PCDHA8: variants seen among roughly 807,000 people sequenced by gnomAD.
PCDHA8 encodes protocadherin alpha-8.
Under a neutral mutation model 61.8 loss-of-function variants are expected in PCDHA8, and 53 were observed. That is an observed-to-expected ratio of 0.86 (90% confidence interval 0.69 to 1.08). The LOEUF (loss-of-function observed/expected upper bound fraction) is 1.08, where lower values mean the gene tolerates loss of function less well. Ranked by LOEUF, PCDHA8 falls within the 50% of genes least tolerant of loss-of-function variation. The pLI is 0.00. For missense variants in PCDHA8, 1,293 were observed against 1,245.0 expected (o/e 1.04, Z -0.58); for synonymous variants, 618 against 556.6 (o/e 1.11, Z -1.55).
rs1388292827 is a variant in PCDHA8, at chr5:140,857,492, G to A, written c.2394+13777G>A. On this transcript the variant is annotated intron_variant, in intron 1 of 3. Coordinates refer to ENST00000531613, the MANE Select transcript of PCDHA8 (RefSeq NM_018911.3). ...CTTCACGGTGTCTGCGTGGGACGCG[G>A]ACGCGCAGGAGAACGCCCTGGTGTC... 2 of 1,598,272 alleles carry A rather than the reference G, an allele frequency of 1.3e-6. No homozygotes were observed. The highest frequency in any genetic ancestry group is 1.7e-6 in the Non-Finnish European group (2 of 1,167,822).
chr5:140,846,829 T>C (rs1554141506), intron 1 of PCDHA8, among the ~76,000 whole-genome samples: 1 of 149,526 alleles, frequency 6.7e-6, no homozygotes, highest in African/African-American at 2.5e-5. Flanking sequence ...AAATAAAGAA[T>C]ATGAGTCACA....
intron 1 of PCDHA8, among the ~76,000 whole-genome samples, chr5:140,931,907 G>T (rs573618162): frequency 6.6e-6 from 1 of 151,782 alleles, no homozygotes; most frequent in Non-Finnish European, 1.5e-5. Flanking sequence ...CATTTGAAAA[G>T]CATGACATTT....
chr5:140,994,772 G>C (rs2097648880), intron 3 of PCDHA8, among the ~76,000 whole-genome samples: 2 of 152,118 alleles, frequency 1.3e-5, no homozygotes, highest in Non-Finnish European at 1.5e-5. Context: ...GAGAATTCCA[G>C]GCAAAGGAAA....
intron 1 of PCDHA8, among the ~76,000 whole-genome samples, chr5:140,966,049 A>AC (rs2095962296): frequency 6.6e-6 from 1 of 152,102 alleles, no homozygotes; most frequent in African/African-American, 2.4e-5. Context: ...ATCGCCAGTA[A>AC]CCCCAGAGCG....
chr5:140,929,074 G>T, intron 1 of PCDHA8: 2 of 1,614,182 alleles, frequency 1.2e-6, no homozygotes, highest in South Asian at 2.2e-5. Flanking sequence ...TCTGAGGTAT[G>T]GAAGTAAGAT....
At chr5:140,996,831 T>C (rs1196344709) in intron 3 of PCDHA8, among the ~76,000 whole-genome samples, 1 of 152,204 alleles carries the variant, frequency 6.6e-6, no homozygotes, top group Non-Finnish European at 1.5e-5. Flanking sequence ...CTACCAATAA[T>C]TTAGCGTGCA....
chr5:140,847,046 G>A (rs1554141633), intron 1 of PCDHA8, among the ~76,000 whole-genome samples: 1 of 149,680 alleles, frequency 6.7e-6, no homozygotes, highest in Non-Finnish European at 1.5e-5. Flanking sequence ...AAGGAAAGTT[G>A]AAGACACAGA....
chr5:140,929,508 A>C (rs1200880949), intron 1 of PCDHA8: 3 of 831,290 alleles, frequency 3.6e-6, no homozygotes, highest in Non-Finnish European at 5.1e-6. Context: ...CCTAGGCCTC[A>C]AGGGACTTAT....
At chr5:140,980,716 G>T (rs1246125435) in intron 2 of PCDHA8, among the ~76,000 whole-genome samples, 1 of 151,830 alleles carries the variant, frequency 6.6e-6, no homozygotes, top group Non-Finnish European at 1.5e-5. Context: ...TCCTATTCGG[G>T]TTTCAATTAA....
Position 141,010,319 on chromosome 5 carries a change from C to G in PCDHA8, c.*382C>G. The G allele has an allele frequency of 6.5e-7, 1 of 1,545,436 alleles. No individual in the cohort carries two copies. Among genetic ancestry groups the G allele is most frequent in the South Asian group, 1.2e-5 (1 of 83,248 alleles). On this transcript the variant is annotated 3_prime_UTR_variant, in exon 4 of 4. Coordinates refer to ENST00000531613, the MANE Select transcript of PCDHA8 (RefSeq NM_018911.3). ...CAGGCTGAAAAGTTTTGAGATTGAG[C>G]AGCTTGGGAGTTTGTGGCCACTGGG...
rs2055991111 is a variant in PCDHA8 at position 140,875,957 on chromosome 5, T to C, written c.2394+32242T>C. 1.1e-5 allele frequency: 17 copies of C among 1,614,050 alleles called. No individual in the cohort carries two copies. The highest frequency in any genetic ancestry group is 1.4e-5 in the Non-Finnish European group (16 of 1,180,000). ...CTAGAGGGCGCTTCTGATGCGGATA[T>C]CGGCGTAAACTCTCTTTTGACCTAT... On this transcript the variant is annotated intron_variant, in intron 1 of 3. Coordinates refer to ENST00000531613, the MANE Select transcript of PCDHA8 (RefSeq NM_018911.3).
intron 1 of PCDHA8, chr5:140,877,318 G>T (rs1193928342): frequency 1.9e-6 from 3 of 1,614,000 alleles, no homozygotes; most frequent in Non-Finnish European, 2.5e-6. Context: ...ACCGGCGGCG[G>T]TCGGCGCGCA....
intron 1 of PCDHA8, among the ~76,000 whole-genome samples, chr5:140,975,613 A>G (rs1482474647): frequency 1.3e-5 from 2 of 152,226 alleles, no homozygotes; most frequent in Non-Finnish European, 2.9e-5. Context: ...TGTCTTCCAC[A>G]TGGATTTCCA....
intron 1 of PCDHA8, among the ~76,000 whole-genome samples, chr5:140,964,144 C>A (rs970079716): frequency 6.6e-6 from 1 of 152,138 alleles, no homozygotes; most frequent in African/African-American, 2.4e-5. Context: ...TTGGCAGGAG[C>A]CTCAGTATAA....
chr5:140,850,675 C>A (rs2150493362), intron 1 of PCDHA8: 3 of 1,598,470 alleles, frequency 1.9e-6, no homozygotes, highest in Non-Finnish European at 2.6e-6. Context: ...TCGGCGATGC[C>A]CACCGAGGGC....
intron 3 of PCDHA8, among the ~76,000 whole-genome samples, chr5:140,990,733 A>G (rs2097410113): frequency 6.6e-6 from 1 of 152,198 alleles, no homozygotes; most frequent in Admixed American, 6.5e-5. Flanking sequence ...GTATATCAAC[A>G]GCCCTAGGGT....
intron 1 of PCDHA8, chr5:140,849,056 G>T: frequency 6.4e-7 from 1 of 1,554,944 alleles, no homozygotes; most frequent in South Asian, 1.1e-5. Context: ...CCAGCAACCA[G>T]CAGGTAAAAC....
At chr5:140,882,481 C>A in intron 1 of PCDHA8, 1 of 1,614,038 alleles carries the variant, frequency 6.2e-7, no homozygotes, top group Non-Finnish European at 8.5e-7. Flanking sequence ...CCAAAAGACA[C>A]GGGGACCTTC....
intron 1 of PCDHA8, chr5:140,868,962 A>G (rs1554162350): frequency 1.4e-5 from 20 of 1,421,940 alleles, no homozygotes; most frequent in Non-Finnish European, 3.8e-6. Flanking sequence ...CTCCCATACA[A>G]AGGAACTCCA....
Sources: gnomAD v4.1 joint callset for allele counts (sites outside exome capture counted in the v4.1 genomes callset) on GRCh38, gnomAD v4.1.1 for gene constraint, MANE v1.5 for transcripts, NCBI Gene and HGNC (gene_info 2026-07-23, HGNC 2026-07-21) for gene names.